The following GALNT11 variants were observed in gnomAD, a reference collection of about 807,000 sequenced individuals.
GALNT11 encodes the protein polypeptide N-acetylgalactosaminyltransferase 11, also known as UDP-GalNAc:polypeptide N-acetylgalactosaminyltransferase 11.
A neutral mutation model predicts 72.7 loss-of-function variants in GALNT11; 47 were observed. The ratio of observed to expected loss-of-function variants is 0.65; its 90% CI spans 0.51 to 0.82. GALNT11 has a LOEUF of 0.82. GALNT11 is among the 40% of genes least tolerant of loss of function. The pLI is 0.00. For missense variants in GALNT11, 677 were observed against 778.4 expected (o/e 0.87, Z 1.55); for synonymous variants, 270 against 286.6 (o/e 0.94, Z 0.58).
chr7:152,060,621 C>A (rs529467302), intron 1 of GALNT11, among the ~76,000 whole-genome samples: 5 of 149,512 alleles, frequency 3.3e-5, no homozygotes, highest in South Asian at 2.1e-4. Context: ...GCTATCCCTC[C>A]CCCCCCTCCA....
intron 1 of GALNT11, among the ~76,000 whole-genome samples, chr7:152,036,595 G>C (rs1303271499): frequency 1.3e-5 from 2 of 152,018 alleles, no homozygotes; most frequent in Non-Finnish European, 2.9e-5. Flanking sequence ...CTTTCTTTTG[G>C]GTATATACTA....
intron 1 of GALNT11, among the ~76,000 whole-genome samples, chr7:152,039,597 G>A (rs150699249): frequency 0.054 from 8,177 of 152,208 alleles, 736 homozygotes; most frequent in African/African-American, 0.19. Flanking sequence ...GGCTGTGTTC[G>A]ATGGGTGTTG....
chr7:152,097,127 C>T (rs1321559397), intron 2 of GALNT11, among the ~76,000 whole-genome samples: 1 of 152,146 alleles, frequency 6.6e-6, no homozygotes, highest in Non-Finnish European at 1.5e-5. Context: ...TGTGCCTGGG[C>T]CCAAACAGTT....
intron 1 of GALNT11, among the ~76,000 whole-genome samples, chr7:152,088,728 A>G (rs1218168199): frequency 1.3e-5 from 2 of 152,174 alleles, no homozygotes; most frequent in Non-Finnish European, 2.9e-5. Context: ...AAAATCACCT[A>G]GAAATGTTTT....
At chr7:152,028,960 C>T (rs2082175467) in intron 1 of GALNT11, among the ~76,000 whole-genome samples, 1 of 152,044 alleles carries the variant, frequency 6.6e-6, no homozygotes, top group Admixed American at 6.5e-5. Context: ...ATACAGGGCC[C>T]GAAGGCAAGT....
chr7:152,063,114 A>G (rs1443688628), intron 1 of GALNT11, among the ~76,000 whole-genome samples: 1 of 152,102 alleles, frequency 6.6e-6, no homozygotes, highest in East Asian at 1.9e-4. Flanking sequence ...TTTTGTTGGT[A>G]GGCTATTAAG....
intron 1 of GALNT11, among the ~76,000 whole-genome samples, chr7:152,041,324 A>C (rs557448799): frequency 5.3e-5 from 8 of 152,226 alleles, no homozygotes; most frequent in Non-Finnish European, 1.2e-4. Flanking sequence ...GAATACCCAC[A>C]AAGTCAGCTA....
chr7:152,117,394 C>T lies in GALNT11; in HGVS notation c.1452+19C>T, dbSNP rs1445651196. ...TGGAAGGGTAAGAAAGCTGTTTTTT[C>T]CAAGTGGCTTATGAAAAGCGTTTGA... On this transcript the variant is annotated intron_variant, in intron 9 of 11. Transcript: ENST00000430044. The T allele has an allele frequency of 1.2e-6, 2 of 1,612,412 alleles. No individual in the cohort carries two copies. Among genetic ancestry groups the T allele is most frequent in the South Asian group, 2.2e-5 (2 of 90,972 alleles).
Position 152,113,308 on chromosome 7 carries a change from A to T in GALNT11, c.1143A>T (p.Arg381=), listed in dbSNP as rs759337620. The T allele has an allele frequency of 6.2e-7, 1 of 1,613,774 alleles. No individual in the cohort carries two copies. The highest frequency in any genetic ancestry group is 1.1e-5 in the South Asian group (1 of 91,026). Residue 381 remains arginine, a synonymous_variant, in exon 8 of 12, where the codon CGA becomes CGT. Coordinates refer to ENST00000430044, the MANE Select transcript of GALNT11 (RefSeq NM_022087.4). The part of the protein sequence containing the change: ...IPCSRVGHIF[R]KRRPYGSPEG... ...GCTCTAGAGTAGGACACATTTTCCGAAAAAGGCGACCATATGGATCTCCCG... is the reference window on the plus strand; with the variant it reads ...GCTCTAGAGTAGGACACATTTTCCGTAAAAGGCGACCATATGGATCTCCCG...
At chr7:152,066,867 C>G (rs1183435977) in intron 1 of GALNT11, among the ~76,000 whole-genome samples, 7 of 152,162 alleles carry the variant, frequency 4.6e-5, no homozygotes, top group African/African-American at 1.4e-4. Flanking sequence ...ATCATCGACA[C>G]AGATCACATA....
chr7:152,028,645 C>T (rs770288927), intron 1 of GALNT11, among the ~76,000 whole-genome samples: 7 of 152,126 alleles, frequency 4.6e-5, no homozygotes, highest in Non-Finnish European at 8.8e-5. Context: ...AGTCCCCACC[C>T]GACCCAGAAG....
chr7:152,114,448 G>A (rs1045473784), intron 8 of GALNT11, among the ~76,000 whole-genome samples: 21 of 152,092 alleles, frequency 1.4e-4, no homozygotes, highest in African/African-American at 3.4e-4. Context: ...AGGTTCATCC[G>A]TGCCGTTCCA....
At chr7:152,028,530 C>T (rs891832318) in intron 1 of GALNT11, among the ~76,000 whole-genome samples, 6 of 152,046 alleles carry the variant, frequency 3.9e-5, no homozygotes, top group South Asian at 2.1e-4. Flanking sequence ...GTCCCCTACC[C>T]GATTAGCTAG....
intron 3 of GALNT11, among the ~76,000 whole-genome samples, chr7:152,101,167 G>A (rs2086849725): frequency 6.6e-6 from 1 of 152,106 alleles, no homozygotes; most frequent in African/African-American, 2.4e-5. Flanking sequence ...AGCAGAGTAG[G>A]GTGCTAATTA....
At chr7:152,103,035 A>T in intron 3 of GALNT11, 77 bp from the exon 4 acceptor site, 1 of 1,364,350 alleles carries the variant, frequency 7.3e-7, no homozygotes, top group Non-Finnish European at 1.0e-6. Context: ...AGGGGACAGT[A>T]AATCTGTAGG....
intron 8 of GALNT11, among the ~76,000 whole-genome samples, chr7:152,113,609 C>T (rs1440659644): frequency 2.0e-5 from 3 of 149,956 alleles, no homozygotes; most frequent in Non-Finnish European, 4.4e-5. Context: ...TTGTAAGTGT[C>T]TACTCCATAA....
intron 1 of GALNT11, among the ~76,000 whole-genome samples, chr7:152,082,497 G>A (rs2085378601): frequency 6.6e-6 from 1 of 152,218 alleles, no homozygotes; most frequent in Non-Finnish European, 1.5e-5. Context: ...GTGGAATGCT[G>A]AGAAAGGTAA....
At chr7:152,049,190 T>C (rs2083279864) in intron 1 of GALNT11, among the ~76,000 whole-genome samples, 1 of 152,192 alleles carries the variant, frequency 6.6e-6, no homozygotes, top group South Asian at 2.1e-4. Context: ...AGGATGTTTG[T>C]TGGTTCCTAG....
chr7:152,112,803 C>G (rs1183739258), intron 7 of GALNT11, among the ~76,000 whole-genome samples: 2 of 151,864 alleles, frequency 1.3e-5, no homozygotes, highest in Admixed American at 6.6e-5. Context: ...ATTAAAAAAT[C>G]TGTTTTCCAA....
Sources: gnomAD v4.1 joint callset for allele counts (sites outside exome capture counted in the v4.1 genomes callset) on GRCh38, gnomAD v4.1.1 for gene constraint, MANE v1.5 for transcripts, NCBI Gene and HGNC (gene_info 2026-07-23, HGNC 2026-07-21) for gene names.